DOCK9: variants seen among roughly 807,000 people sequenced by gnomAD.
DOCK9 encodes the protein dedicator of cytokinesis 9, also known as dedicator of cytokinesis protein 9.
In DOCK9, 89 loss-of-function variants were observed where a neutral mutation model predicts 263.3. The observed-to-expected ratio is 0.34, with a 90% CI of 0.28 to 0.40. The LOEUF is 0.40. Among genes scored for constraint, DOCK9 ranks in the 10% least tolerant of loss-of-function variants. The probability of loss-of-function intolerance (pLI) is 1.00; values close to 1 mark genes in which losing one functional copy is unlikely to be tolerated. For synonymous variants in DOCK9, 976 were observed against 973.1 expected (o/e 1.00, Z -0.06); for missense variants, 2,140 against 2,603.4 (o/e 0.82, Z 3.87).
At chr13:99,007,630 C>A (rs191628213) in intron 1 of DOCK9, among the ~76,000 whole-genome samples, 2 of 152,148 alleles carry the variant, frequency 1.3e-5, no homozygotes, top group African/African-American at 4.8e-5. Context: ...TTCCAGCCCC[C>A]ACAATGGAAC....
chr13:98,885,472 G>C (rs1371864838), intron 20 of DOCK9: 2 of 529,842 alleles, frequency 3.8e-6, no homozygotes, highest in Admixed American at 6.0e-5. Context: ...AGTGGGTGTG[G>C]TGCGTGCCTG....
chr13:98,990,232 C>T (rs745621641), intron 1 of DOCK9, among the ~76,000 whole-genome samples: 1 of 152,214 alleles, frequency 6.6e-6, no homozygotes, highest in Non-Finnish European at 1.5e-5. Flanking sequence ...GCAGAAGTCA[C>T]GTCTTCCGTA....
At chr13:99,086,425 C>T in exon 1 of DOCK9, 1 of 899,916 alleles carries the variant, frequency 1.1e-6, no homozygotes, top group South Asian at 4.9e-5. Context: ...CAGGTGCGCC[C>T]TCGGCGCCCG....
intron 44 of DOCK9, 74 bp from the exon 45 acceptor site, chr13:98,824,578 CCT>C: frequency 2.2e-6 from 3 of 1,336,598 alleles, no homozygotes; most frequent in Non-Finnish European, 3.2e-6. Flanking sequence ...TTTTTCCTGC[CCT>C]GTGTGTTTCT....
At position 98,825,060 on chromosome 13, in the gene DOCK9, C is replaced by T. The variant is rs2092468506; in HGVS notation, c.5024-556G>A. On this transcript the variant is annotated intron_variant, in intron 44 of 52. Transcript: ENST00000682017. The surrounding 1 kb of genome is among the most constrained non-coding windows in gnomAD (Gnocchi z 4.1). ...CCTTAGCTGGTTCCCACCCCAGAGG[C>T]CCCGGGGTGGGTGGCTGGCTGCATC... Among the ~76,000 whole-genome samples, 1 of 152,162 alleles carries T rather than the reference C, an allele frequency of 6.6e-6. No homozygotes were observed. The highest frequency in any genetic ancestry group is 1.5e-5 in the Non-Finnish European group (1 of 68,040).
rs2093626705 is a variant in DOCK9, at chr13:98,853,510, T to C, written c.3844A>G (p.Ser1282Gly). 6.2e-7 allele frequency: 1 copy of C among 1,612,102 alleles called. No individual in the cohort carries two copies. The highest frequency in any genetic ancestry group is 8.5e-7 in the Non-Finnish European group (1 of 1,179,230). ...SNSLDKHQQS[S>G]TLGNSVVRCD... The stretch of plus-strand genomic sequence containing the variant: ...CGAACCACGGAATTTCCCAATGTGC[T>C]ACTTTGTTGGTGCTAAAAAGAAAAT... The change falls in exon 35 of 53, where the codon AGC becomes GGC. Residue 1282 changes from serine to glycine, a missense_variant. By Grantham distance (56) the Ser-to-Gly change is moderately conservative. Transcript: ENST00000682017.
At chr13:98,896,605 T>TC (rs1219727441) in intron 15 of DOCK9, among the ~76,000 whole-genome samples, 2 of 152,144 alleles carry the variant, frequency 1.3e-5, no homozygotes, top group African/African-American at 4.8e-5. Flanking sequence ...TCCCAGAATT[T>TC]CCCCAGAAAA....
Position 98,809,299 on chromosome 13 carries a change from TTG to T in DOCK9, c.5367+51_5367+52del, listed in dbSNP as rs759144488. The T allele has an allele frequency of 2.8e-6, 4 of 1,445,014 alleles. No homozygotes were observed. In the African/African-American group the frequency reaches 4.3e-5, roughly 15 times the overall value. The allele number at this position is 1,445,014 out of a possible 1,614,324, so 89.5% of individuals were successfully genotyped here. A position where few individuals can be genotyped will look rare whatever the true frequency, so the allele number is the denominator to read the frequency against. On this transcript the variant is annotated intron_variant, in intron 47 of 52. Transcript: ENST00000682017. ...TATAGTTTTTTTTTTGTTTTTGTTT[TTG>T]TTTTTTTTTAAAGGACTTAGGACAG...
chr13:98,796,519 T>G (rs1281587094), intron 52 of DOCK9, among the ~76,000 whole-genome samples: 3 of 152,172 alleles, frequency 2.0e-5, no homozygotes, highest in Non-Finnish European at 2.9e-5. Flanking sequence ...CTGTCTCCTC[T>G]GTGACAACTG....
At chr13:98,795,107 A>G (rs1213669797) in intron 52 of DOCK9, among the ~76,000 whole-genome samples, 1 of 152,216 alleles carries the variant, frequency 6.6e-6, no homozygotes, top group Non-Finnish European at 1.5e-5. Flanking sequence ...TTCTTTTACA[A>G]AGCTAGTGAA....
At position 98,807,531 on chromosome 13, in the gene DOCK9, C is replaced by A. The variant is rs912093043; in HGVS notation, c.5514+130G>T. On this transcript the variant is annotated intron_variant, in intron 48 of 52. Transcript: ENST00000682017. ...CACTAAAGGTATCAGGAAGAAAATA[C>A]ACCTGCCACTCACGGCCAACAATCC... 5.1e-6 allele frequency: 4 copies of A among 788,580 alleles called. No individual in the cohort carries two copies. In the African/African-American group the frequency reaches 7.1e-5, roughly 14 times the overall value. 48.8% of individuals were successfully genotyped at this position (788,580 alleles called of 1,614,324 possible).
At chr13:98,906,379 G>A (rs890947886) in intron 9 of DOCK9, among the ~76,000 whole-genome samples, 15 of 152,304 alleles carry the variant, frequency 9.8e-5, no homozygotes, top group African/African-American at 3.4e-4. Flanking sequence ...GGAACAGAAA[G>A]AGAGAGAGGC....
chr13:98,798,402 G>A lies in DOCK9; in HGVS notation c.5917-913C>T, dbSNP rs373325745. 6.6e-5 allele frequency among the ~76,000 whole-genome samples: 10 copies of A among 152,196 alleles called. No individual in the cohort carries two copies. The East Asian group carries it at 7.7e-4, about 12-fold the overall frequency. ...ACGTGGAGACACAGGAGGGTTCCAGGTTCCAGCCACAGTGGTCAGAGGGGG... is the reference window on the plus strand; with the variant it reads ...ACGTGGAGACACAGGAGGGTTCCAGATTCCAGCCACAGTGGTCAGAGGGGG... On this transcript the variant is annotated intron_variant, in intron 50 of 52. Coordinates refer to ENST00000682017, the MANE Select transcript of DOCK9 (RefSeq NM_001366683.2).
rs576798703 is a variant in DOCK9 at position 98,930,805 on chromosome 13, C to T, written c.244-548G>A. On this transcript the variant is annotated intron_variant, in intron 2 of 52. Transcript: ENST00000682017. Reference sequence around the variant, plus strand: ...GATTACAGGCATGCGCCACCACGCTCGGTTAATTTTGTATTTTTAGTAGAG... The same window carrying T: ...GATTACAGGCATGCGCCACCACGCTTGGTTAATTTTGTATTTTTAGTAGAG... Among the ~76,000 whole-genome samples, 13 of 152,108 alleles carry T rather than the reference C, an allele frequency of 8.5e-5. No individual in the cohort carries two copies. In the South Asian group the frequency reaches 2.5e-3, roughly 29 times the overall value.
chr13:99,038,287 CCTTT>C (rs1888106042), intron 1 of DOCK9, among the ~76,000 whole-genome samples: 1 of 48,832 alleles, frequency 2.0e-5, no homozygotes, highest in East Asian at 1.2e-3. Flanking sequence ...TTTATGCCCC[CCTTT>C]TTTTTTTTTT....
chr13:98,885,447 A>T, intron 20 of DOCK9: 1 of 542,010 alleles, frequency 1.8e-6, no homozygotes, highest in Non-Finnish European at 3.3e-6. Context: ...CTACAAAAAA[A>T]TACAAAAATT....
At chr13:98,799,586 T>C (rs1030889616) in intron 50 of DOCK9, among the ~76,000 whole-genome samples, 1 of 152,194 alleles carries the variant, frequency 6.6e-6, no homozygotes, top group African/African-American at 2.4e-5. Flanking sequence ...ACTGAACATA[T>C]ATGTTAGTAT....
intron 45 of DOCK9, among the ~76,000 whole-genome samples, chr13:98,821,831 G>C (rs1482435560): frequency 1.3e-5 from 2 of 152,212 alleles, no homozygotes; most frequent in Non-Finnish European, 2.9e-5. Context: ...AGTCACTTTA[G>C]AGAACATCTC....
intron 15 of DOCK9, among the ~76,000 whole-genome samples, chr13:98,893,189 G>A (rs2046891221): frequency 6.6e-6 from 1 of 152,194 alleles, no homozygotes; most frequent in Admixed American, 6.5e-5. Flanking sequence ...TAACCAGAGC[G>A]AAATCGGGGT....
Sources: gnomAD v4.1 joint callset for allele counts (sites outside exome capture counted in the v4.1 genomes callset) on GRCh38, gnomAD v4.1.1 for gene constraint, Gnocchi (gnomAD v3.1) non-coding constraint, MANE v1.5 for transcripts, NCBI Gene and HGNC (gene_info 2026-07-23, HGNC 2026-07-21) for gene names.